Variants in KCNIP4 observed in about 807,000 individuals in gnomAD.
The protein encoded by KCNIP4 is potassium voltage-gated channel interacting protein 4.
KCNIP4 carries 12 observed loss-of-function variants against 34.0 expected under a neutral mutation model. The observed-to-expected ratio is 0.35, with a 90% CI of 0.23 to 0.57. KCNIP4 has a LOEUF of 0.57. Among genes scored for constraint, KCNIP4 ranks in the 20% least tolerant of loss-of-function variants. The pLI, the probability that KCNIP4 is intolerant of heterozygous loss-of-function variation, is 0.83. For missense variants in KCNIP4, 238 were observed against 311.7 expected (o/e 0.76, Z 1.78); for synonymous variants, 124 against 102.2 (o/e 1.21, Z -1.29).
chr4:21,924,607 A>G (rs1729129673), intron 1 of KCNIP4, among the ~76,000 whole-genome samples: 1 of 152,150 alleles, frequency 6.6e-6, no homozygotes, highest in Non-Finnish European at 1.5e-5. Flanking sequence ...AACAACAAAC[A>G]AAAAGCTTTT....
intron 1 of KCNIP4, among the ~76,000 whole-genome samples, chr4:21,277,502 A>G (rs578208623): frequency 6.6e-6 from 1 of 152,318 alleles, no homozygotes; most frequent in East Asian, 1.9e-4. Context: ...TAAAAGAGGA[A>G]AACACAGTAA....
At chr4:21,547,765 C>T (rs185264836) in intron 1 of KCNIP4, among the ~76,000 whole-genome samples, 74 of 152,092 alleles carry the variant, frequency 4.9e-4, no homozygotes, top group Admixed American at 2.4e-3. Context: ...TATTTGCATA[C>T]GTATTTGCAG....
At chr4:21,140,337 A>C (rs1751850020) in intron 1 of KCNIP4, among the ~76,000 whole-genome samples, 1 of 152,138 alleles carries the variant, frequency 6.6e-6, no homozygotes. Context: ...CATTCATGTA[A>C]ACTTCTTAGA....
At chr4:21,584,912 T>C (rs7655708) in intron 1 of KCNIP4, among the ~76,000 whole-genome samples, 10,355 of 152,088 alleles carry the variant, frequency 0.068, 533 homozygotes, top group African/African-American at 0.14. Flanking sequence ...TCCAAGCAAG[T>C]GTAACCATTT....
chr4:21,797,599 T>A (rs1720707242), intron 1 of KCNIP4, among the ~76,000 whole-genome samples: 1 of 152,240 alleles, frequency 6.6e-6, no homozygotes, highest in Non-Finnish European at 1.5e-5. Flanking sequence ...TTATAACTTC[T>A]GTTTTCTTTG....
intron 1 of KCNIP4, among the ~76,000 whole-genome samples, chr4:21,935,272 C>A (rs1729792033): frequency 6.6e-6 from 1 of 152,068 alleles, no homozygotes; most frequent in African/African-American, 2.4e-5. Flanking sequence ...CACCTGGAAA[C>A]TCTCCCTTCT....
At chr4:21,057,331 T>C (rs945606777) in intron 1 of KCNIP4, among the ~76,000 whole-genome samples, 1 of 152,194 alleles carries the variant, frequency 6.6e-6, no homozygotes, top group Admixed American at 6.6e-5. Context: ...TGTCATAAAG[T>C]AGATTTTCTA....
chr4:21,055,190 A>G (rs10032561), intron 1 of KCNIP4, among the ~76,000 whole-genome samples: 65,020 of 152,000 alleles, frequency 0.43, 15,618 homozygotes, highest in African/African-American at 0.66. Flanking sequence ...ATGTAATTAC[A>G]GGAGTATAAA....
At chr4:20,745,621 G>A (rs1752257089) in intron 5 of KCNIP4, among the ~76,000 whole-genome samples, 1 of 152,158 alleles carries the variant, frequency 6.6e-6, no homozygotes, top group South Asian at 2.1e-4. Context: ...AAATGATAAA[G>A]GGGTGGAGAG....
At chr4:21,831,837 C>T (rs188787441) in intron 1 of KCNIP4, among the ~76,000 whole-genome samples, 1 of 151,948 alleles carries the variant, frequency 6.6e-6, no homozygotes, top group Admixed American at 6.6e-5. Flanking sequence ...GAAAACCAAA[C>T]AAGGATACTG....
intron 1 of KCNIP4, among the ~76,000 whole-genome samples, chr4:21,433,144 T>C (rs943863257): frequency 6.6e-6 from 1 of 152,188 alleles, no homozygotes; most frequent in African/African-American, 2.4e-5. Flanking sequence ...ATTTACTATA[T>C]GAAGAAATGA....
chr4:21,111,659 C>A (rs6814358), intron 1 of KCNIP4, among the ~76,000 whole-genome samples: 3 of 152,044 alleles, frequency 2.0e-5, no homozygotes, highest in Admixed American at 1.3e-4. Flanking sequence ...TTTATTACAG[C>A]CCATCATGGG....
intron 1 of KCNIP4, among the ~76,000 whole-genome samples, chr4:21,471,831 T>C (rs892498813): frequency 6.6e-5 from 10 of 152,208 alleles, no homozygotes; most frequent in African/African-American, 2.4e-4. Context: ...GGTATCCCTT[T>C]GGGGTCAGAA....
chr4:21,139,052 C>T (rs1006710603), intron 1 of KCNIP4, among the ~76,000 whole-genome samples: 15 of 152,144 alleles, frequency 9.9e-5, no homozygotes, highest in Admixed American at 6.5e-5. Context: ...CATAGGAAGC[C>T]AATACAATCA....
chr4:21,097,308 C>T (rs1353049891), intron 1 of KCNIP4, among the ~76,000 whole-genome samples: 1 of 152,174 alleles, frequency 6.6e-6, no homozygotes, highest in Non-Finnish European at 1.5e-5. Flanking sequence ...TAGTGAAACT[C>T]AATCATGTTA....
At chr4:21,810,935 T>C (rs1321274589) in intron 1 of KCNIP4, among the ~76,000 whole-genome samples, 1 of 152,088 alleles carries the variant, frequency 6.6e-6, no homozygotes, top group Non-Finnish European at 1.5e-5. Context: ...GGAAGGGAAA[T>C]ACAGGTTTTG....
intron 1 of KCNIP4, among the ~76,000 whole-genome samples, chr4:21,046,478 A>G (rs77486893): frequency 0.028 from 4,191 of 152,246 alleles, 166 homozygotes; most frequent in African/African-American, 0.095. Flanking sequence ...AGAGTGATAA[A>G]TAGAGTAGAA....
intron 1 of KCNIP4, among the ~76,000 whole-genome samples, chr4:21,331,173 T>C (rs757555485): frequency 6.6e-6 from 1 of 152,156 alleles, no homozygotes; most frequent in Non-Finnish European, 1.5e-5. Flanking sequence ...CTAAAACTAA[T>C]ATGCAGATAC....
intron 1 of KCNIP4, among the ~76,000 whole-genome samples, chr4:21,667,686 G>A (rs1389360531): frequency 6.6e-6 from 1 of 152,178 alleles, no homozygotes; most frequent in Non-Finnish European, 1.5e-5. Flanking sequence ...TCCATAGTAA[G>A]GTATGGAACA....
Sources: allele counts gnomAD v4.1 joint callset (sites outside exome capture counted in the v4.1 genomes callset), GRCh38; gene constraint gnomAD v4.1.1; transcripts MANE v1.5; gene names NCBI Gene and HGNC (gene_info 2026-07-23, HGNC 2026-07-21).